CAST: variants seen among roughly 807,000 people sequenced by gnomAD.
CAST encodes MIR583 host.
A neutral mutation model predicts 119.6 loss-of-function variants in CAST; 76 were observed. That is an observed-to-expected ratio of 0.64 (90% CI 0.53 to 0.77). The LOEUF is 0.77. Among genes scored for constraint, CAST ranks in the 30% least tolerant of loss-of-function variants. The pLI is 0.00. For synonymous variants in CAST, 319 were observed against 331.6 expected (o/e 0.96, Z 0.41); for missense variants, 953 against 946.5 (o/e 1.01, Z -0.09).
At chr5:96,232,098 A>G in the CAST span, among the ~76,000 whole-genome samples, 2 of 152,122 alleles carry the variant, frequency 1.3e-5, no homozygotes, top group African/African-American at 4.8e-5. Context: ...TACATAATAT[A>G]TTTAGCTAGA....
chr5:96,765,134 C>A, intron 25 of CAST, 87 bp from the exon 26 acceptor site: 1 of 774,700 alleles, frequency 1.3e-6, no homozygotes, highest in South Asian at 1.5e-5. Context: ...AACAGGTTCC[C>A]TCCTGAAAAG....
At chr5:96,274,078 A>T in the CAST span, among the ~76,000 whole-genome samples, 1 of 151,924 alleles carries the variant, frequency 6.6e-6, no homozygotes, top group Non-Finnish European at 1.5e-5. Flanking sequence ...GGTGTGAGAG[A>T]AGAAATGAGT....
the CAST span, among the ~76,000 whole-genome samples, chr5:96,209,560 T>C: frequency 6.6e-6 from 1 of 152,070 alleles, no homozygotes; most frequent in Non-Finnish European, 1.5e-5. Context: ...ATCTTATTTC[T>C]CCTTTACATA....
the CAST span, among the ~76,000 whole-genome samples, chr5:95,990,999 G>C: frequency 1.3e-5 from 2 of 152,280 alleles, no homozygotes; most frequent in Admixed American, 1.3e-4. Context: ...TTCTCCACAG[G>C]AGAGAGTCCC....
chr5:96,470,363 A>C, the CAST span, among the ~76,000 whole-genome samples: 362 of 152,156 alleles, frequency 2.4e-3, 1 homozygote, highest in Non-Finnish European at 4.5e-3. Context: ...CATATGGATC[A>C]TCATGCACTA....
the CAST span, among the ~76,000 whole-genome samples, chr5:96,286,111 A>G: frequency 6.6e-6 from 1 of 152,236 alleles, no homozygotes; most frequent in Admixed American, 6.5e-5. Context: ...CAGCTAAGAT[A>G]TAAGAGTTGC....
chr5:96,394,055 G>T, the CAST span, among the ~76,000 whole-genome samples: 1 of 152,358 alleles, frequency 6.6e-6, no homozygotes, highest in East Asian at 1.9e-4. Flanking sequence ...AATGGAACTA[G>T]AATTCAAGCT....
At chr5:96,446,445 C>T in the CAST span, among the ~76,000 whole-genome samples, 1 of 152,276 alleles carries the variant, frequency 6.6e-6, no homozygotes, top group African/African-American at 2.4e-5. Context: ...AGCCCCATCA[C>T]TCATATGTTT....
chr5:96,435,964 A>G, the CAST span, among the ~76,000 whole-genome samples: 2 of 152,240 alleles, frequency 1.3e-5, no homozygotes, highest in East Asian at 3.8e-4. Context: ...TTTATCACAA[A>G]GTGGACACAG....
chr5:96,659,718 C>T (rs1033438634), upstream of CAST, among the ~76,000 whole-genome samples: 2 of 151,996 alleles, frequency 1.3e-5, no homozygotes, highest in African/African-American at 2.4e-5. Flanking sequence ...TTAGTAGAGA[C>T]GGGGTTTCGT....
chr5:96,558,530 C>T (rs561616634), intron 1 of CAST, among the ~76,000 whole-genome samples: 42 of 152,260 alleles, frequency 2.8e-4, no homozygotes, highest in African/African-American at 8.7e-4. Context: ...GGGGATAACA[C>T]CACAGATCCC....
chr5:96,232,524 T>C, the CAST span, among the ~76,000 whole-genome samples: 1 of 152,116 alleles, frequency 6.6e-6, no homozygotes, highest in Admixed American at 6.6e-5. Context: ...AAGATTGTTT[T>C]AGAATTTATG....
At chr5:95,974,888 G>T in the CAST span, among the ~76,000 whole-genome samples, 2 of 152,174 alleles carry the variant, frequency 1.3e-5, no homozygotes, top group South Asian at 4.1e-4. Context: ...GTTTTTATGA[G>T]TTATGCAAAA....
At chr5:95,998,938 C>T in the CAST span, among the ~76,000 whole-genome samples, 4 of 152,038 alleles carry the variant, frequency 2.6e-5, no homozygotes, top group Non-Finnish European at 5.9e-5. Context: ...TAATAATAAC[C>T]ATTCTGACAG....
In CAST at chr5:96,599,880, C is replaced by A. The variant is rs368901117; in HGVS notation, c.60+70000C>A. ...AGTCTTTTTCCTTTTTCTGCTCTTT[C>A]TCTCCTTTTCCTCAAAGAGCTTATT... is the stretch of plus-strand genomic sequence containing the variant. On this transcript the variant is annotated intron_variant, in intron 1 of 11. Coordinates refer to the CAST transcript ENST00000505143. Among the ~76,000 whole-genome samples, 8 of 150,938 alleles carry A rather than the reference C, an allele frequency of 5.3e-5. No homozygotes were observed. In the South Asian group the frequency reaches 1.7e-3, roughly 31 times the overall value.
chr5:96,585,206 T>A (rs1746839088), intron 1 of CAST, among the ~76,000 whole-genome samples: 1 of 152,190 alleles, frequency 6.6e-6, no homozygotes, highest in Admixed American at 6.5e-5. Context: ...GATTTACTGT[T>A]TATCTTATAT....
chr5:96,757,839 C>T (rs1195744499), intron 24 of CAST, among the ~76,000 whole-genome samples, 185 bp downstream of exon 24: 1 of 151,920 alleles, frequency 6.6e-6, no homozygotes, highest in Non-Finnish European at 1.5e-5. Context: ...TACAGGGGTG[C>T]ACCACCACAC....
At chr5:96,163,918 A>G in the CAST span, among the ~76,000 whole-genome samples, 326 of 152,304 alleles carry the variant, frequency 2.1e-3, no homozygotes, top group African/African-American at 7.4e-3. Context: ...TGCTGCTTAT[A>G]AGGTATTTAA....
chr5:96,479,686 G>A, the CAST span, among the ~76,000 whole-genome samples: 3 of 152,030 alleles, frequency 2.0e-5, no homozygotes, highest in Admixed American at 6.6e-5. Flanking sequence ...TTGGCCTCGC[G>A]ATCTGCCCTC....
Sources: allele counts gnomAD v4.1 joint callset (sites outside exome capture counted in the v4.1 genomes callset), GRCh38; gene constraint gnomAD v4.1.1; transcripts MANE v1.5; gene names NCBI Gene and HGNC (gene_info 2026-07-23, HGNC 2026-07-21).